PHIP: variants seen among roughly 807,000 people sequenced by gnomAD.
PHIP encodes the protein PHIP subunit of CUL4-Ring ligase complex, also known as PH-interacting protein.
A neutral mutation model predicts 236.8 loss-of-function variants in PHIP; 54 were observed. That is an observed-to-expected ratio of 0.23 (90% confidence interval 0.18 to 0.29). The LOEUF (loss-of-function observed/expected upper bound fraction) is 0.29, where lower values mean the gene tolerates loss of function less well. PHIP is among the 10% of genes least tolerant of loss of function. The probability of loss-of-function intolerance (pLI) is 1.00; values close to 1 mark genes in which losing one functional copy is unlikely to be tolerated. For synonymous variants in PHIP, 756 were observed against 718.9 expected, an observed-to-expected ratio of 1.05 and a Z score of -0.83; for missense variants, 1,370 against 2,190.8, an observed-to-expected ratio of 0.63 and a Z score of 7.48.
Position 78,954,918 on chromosome 6 carries a change from C to T in PHIP, c.3949G>A (p.Asp1317Asn), listed in dbSNP as rs747145278. ...RRLRNRAQSY[D>N]IQAWKKQCEE... is the part of the protein sequence containing the mutation. ...CACTGTTTCTTCCATGCTTGAATAT[C>T]GTAAGACTGGGCTCTATTACGTAAT... Residue 1317 changes from aspartate (D) to asparagine (N), a missense_variant, in exon 35 of 40, where the codon GAT becomes AAT. Asp to Asn is a conservative substitution (Grantham distance 23). Transcript: ENST00000275034. The T allele has an allele frequency of 2.0e-5, 32 of 1,584,176 alleles. No homozygotes were observed. Among genetic ancestry groups the T allele is most frequent in the Non-Finnish European group, 2.4e-5 (28 of 1,167,268 alleles).
At chr6:78,950,012 T>C (rs1774056698) in intron 35 of PHIP, among the ~76,000 whole-genome samples, 1 of 152,056 alleles carries the variant, frequency 6.6e-6, no homozygotes, top group South Asian at 2.1e-4. Context: ...TAATAAACTT[T>C]TTCCTTCCAA....
In PHIP at chr6:78,941,212, G is replaced by C; in HGVS notation, c.4947C>G (p.Thr1649=). The C allele has an allele frequency of 1.9e-6, 3 of 1,613,700 alleles. No individual in the cohort carries two copies. The highest frequency in any genetic ancestry group is 2.5e-6 in the Non-Finnish European group (3 of 1,179,826). The change falls in exon 40 of 40, where the codon ACC becomes ACG. Residue 1649 remains threonine, a synonymous_variant. Coordinates refer to ENST00000275034, the MANE Select transcript of PHIP (RefSeq NM_017934.7). ...TCTTGTGTATAATTTCACCACTATT[G>C]GTATTAACTTCTACTTTAGGTTTCC... ...PGRKPKVEVN[T]NSGEIIHKKR... is the part of the protein sequence containing the mutation.
At chr6:78,947,385 T>A (rs1018549904) in intron 36 of PHIP, among the ~76,000 whole-genome samples, 3 of 152,180 alleles carry the variant, frequency 2.0e-5, no homozygotes, top group African/African-American at 7.2e-5. Flanking sequence ...CCAGGACAAT[T>A]TGCATCAACC....
intron 27 of PHIP, among the ~76,000 whole-genome samples, chr6:78,967,489 C>T (rs1032084868): frequency 2.0e-5 from 3 of 152,178 alleles, no homozygotes; most frequent in Non-Finnish European, 4.4e-5. Context: ...AGAACCTGGA[C>T]TACTACTGAA....
At chr6:78,955,018 T>G (rs780470523) in intron 34 of PHIP, 55 bp from the exon 35 acceptor site, 2 of 1,315,670 alleles carry the variant, frequency 1.5e-6, no homozygotes, top group African/African-American at 3.0e-5. Context: ...CAATAAAATT[T>G]GTACTTTTAA....
At position 78,941,144 on chromosome 6, in the gene PHIP, T is replaced by C. The variant is rs1773481146; in HGVS notation, c.5015A>G (p.Glu1672Gly). The change falls in exon 40 of 40, where the codon GAA becomes GGA. Residue 1672 changes from glutamate to glycine, a missense_variant. This residue lies in a region of PHIP where 309 missense variants were observed against 328.3 expected (regional missense o/e 0.94). Coordinates refer to ENST00000275034, the MANE Select transcript of PHIP (RefSeq NM_017934.7). The part of the protein sequence containing the change: ...KPKKLQYAKP[E>G]DLEQNNVHPI... The stretch of plus-strand genomic sequence containing the variant: ...ATGCACATTATTTTGCTCTAAATCT[T>C]CTGGCTTTGCATACTGTAGCTTTTT... 1 of 1,614,052 alleles carries C rather than the reference T, an allele frequency of 6.2e-7. No homozygotes were observed. The highest frequency in any genetic ancestry group is 8.5e-7 in the Non-Finnish European group (1 of 1,179,920).
chr6:78,944,257 T>C (rs1233198231), intron 39 of PHIP, among the ~76,000 whole-genome samples: 1 of 152,154 alleles, frequency 6.6e-6, no homozygotes, highest in Non-Finnish European at 1.5e-5. Flanking sequence ...AAGAGTCTTG[T>C]GTAACAGGCA....
chr6:78,988,083 A>C, intron 21 of PHIP, 126 bp downstream of exon 21: 1 of 558,596 alleles, frequency 1.8e-6, no homozygotes, highest in East Asian at 3.3e-5. Flanking sequence ...AAGCTGTATC[A>C]TAAGACCCCA....
chr6:79,044,776 A>C (rs1265684527), intron 6 of PHIP, among the ~76,000 whole-genome samples: 4 of 152,202 alleles, frequency 2.6e-5, no homozygotes, highest in African/African-American at 9.6e-5. Flanking sequence ...GCATTAGTAT[A>C]TAGGTAAGAA....
At chr6:78,995,987 A>C (rs964953510) in intron 19 of PHIP, among the ~76,000 whole-genome samples, 1 of 152,340 alleles carries the variant, frequency 6.6e-6, no homozygotes, top group Non-Finnish European at 1.5e-5. Context: ...AGGCCAATGA[A>C]TAGTTAAGCC....
intron 15 of PHIP, among the ~76,000 whole-genome samples, chr6:79,010,637 T>C (rs1012073918): frequency 2.0e-5 from 3 of 151,678 alleles, no homozygotes; most frequent in Non-Finnish European, 3.0e-5. Flanking sequence ...TAGAAAGATA[T>C]GGAAAGAGAG....
chr6:79,019,052 C>G, intron 10 of PHIP, 37 bp downstream of exon 10: 1 of 1,459,222 alleles, frequency 6.9e-7, no homozygotes, highest in Middle Eastern at 1.7e-4. Flanking sequence ...TCTAAATGAA[C>G]AACTTTAAGT....
intron 15 of PHIP, among the ~76,000 whole-genome samples, chr6:79,007,058 A>T (rs1770326249): frequency 6.6e-6 from 1 of 152,090 alleles, no homozygotes; most frequent in Non-Finnish European, 1.5e-5. Context: ...TCTCATACTG[A>T]CTAAAGAATT....
chr6:79,012,698 C>T (rs144417240), intron 15 of PHIP, among the ~76,000 whole-genome samples: 73 of 151,796 alleles, frequency 4.8e-4, no homozygotes, highest in African/African-American at 1.7e-3. Flanking sequence ...ACTCAACATT[C>T]ATGATAGCAA....
rs1161519114 is a variant in PHIP at position 79,077,840 on chromosome 6, C to A, written c.99+15G>T. On this transcript the variant is annotated intron_variant, in intron 2 of 39. Transcript: ENST00000275034. ...CGGCGAGCGCCGGCCCGGCCCGCGC[C>A]GCGCGCCGCCGTACCTGAGCCGCCT... 3 of 1,443,956 alleles carry A rather than the reference C, an allele frequency of 2.1e-6. No individual in the cohort carries two copies. The highest frequency in any genetic ancestry group is 3.1e-5 in the East Asian group (1 of 32,676). 89.4% of individuals were successfully genotyped at this position (1,443,956 alleles called of 1,614,324 possible).
chr6:79,013,818 T>C (rs528007299), intron 15 of PHIP, among the ~76,000 whole-genome samples: 186 of 151,856 alleles, frequency 1.2e-3, no homozygotes, highest in Non-Finnish European at 2.4e-3. Flanking sequence ...CACTAGTATA[T>C]ATATAGCTCA....
At chr6:79,072,845 A>C (rs1773954519) in intron 4 of PHIP, among the ~76,000 whole-genome samples, 1 of 152,212 alleles carries the variant, frequency 6.6e-6, no homozygotes, top group Non-Finnish European at 1.5e-5. Context: ...TGGAATAAAA[A>C]TGTAAATGCT....
At chr6:79,033,995 T>C (rs771429310) in intron 7 of PHIP, among the ~76,000 whole-genome samples, 2 of 152,106 alleles carry the variant, frequency 1.3e-5, no homozygotes, top group Non-Finnish European at 2.9e-5. Context: ...GCAACATTCA[T>C]TAAGTTCGCC....
rs1773301896 is a variant in PHIP, at chr6:78,937,166, A to G, written c.*3527T>C. ...GTCCTTTCAACCTACTCAAAAATAA[A>G]TTTCAGGTAACAAAAACATTCAGAA... On this transcript the variant is annotated 3_prime_UTR_variant, in exon 40 of 40. Transcript: ENST00000275034. 1 of 151,766 alleles carries G rather than the reference A, an allele frequency of 6.6e-6. No individual in the cohort carries two copies. The highest frequency in any genetic ancestry group is 6.6e-5 in the Admixed American group (1 of 15,228). The allele number at this position is 151,766 out of a possible 1,614,324, so 9.4% of individuals were successfully genotyped here.
Sources: allele counts gnomAD v4.1 joint callset (sites outside exome capture counted in the v4.1 genomes callset), GRCh38; gene constraint gnomAD v4.1.1; regional missense constraint gnomAD v4.1.1; transcripts MANE v1.5; gene names NCBI Gene and HGNC (gene_info 2026-07-23, HGNC 2026-07-21).